The following BPTF variants were observed in gnomAD, a reference collection of about 807,000 sequenced individuals.
BPTF encodes nucleosome-remodeling factor subunit BPTF.
A neutral mutation model predicts 292.5 loss-of-function variants in BPTF; 18 were observed. The ratio of observed to expected loss-of-function variants is 0.06; its 90% confidence interval spans 0.04 to 0.09. The LOEUF (loss-of-function observed/expected upper bound fraction) is 0.09. BPTF is among the 10% of genes least tolerant of loss of function. BPTF has a pLI of 1.00. For missense variants in BPTF, 2,726 were observed against 3,498.7 expected (o/e 0.78, Z 5.57); for synonymous variants, 1,225 against 1,251.9 (o/e 0.98, Z 0.45).
At chr17:67,960,190 G>C (rs1242797506) in intron 24 of BPTF, 1 of 228,108 alleles carries the variant, frequency 4.4e-6, no homozygotes, top group Non-Finnish European at 8.6e-6. Flanking sequence ...TGGAGAAGGA[G>C]GTGTATTACT....
chr17:67,946,139 A>C lies in BPTF; in HGVS notation c.7431A>C (p.Gln2477His), dbSNP rs1568144700. Residue 2477 changes from glutamine to histidine, a missense_variant, in exon 21 of 28, where the codon CAA (glutamine) becomes CAC (histidine). Coordinates refer to ENST00000306378, the MANE Select transcript of BPTF (RefSeq NM_182641.4). Reference sequence around the variant, plus strand: ...TCCAGTTACCTATCCAAATTCAGCAAAGCAGTGCTGTGCAGACTCACCAGA... The same window carrying C: ...TCCAGTTACCTATCCAAATTCAGCACAGCAGTGCTGTGCAGACTCACCAGA... ...IKLQLPIQIQ[Q>H]SSAVQTHQIQ... 6.2e-7 allele frequency: 1 copy of C among 1,614,182 alleles called. No homozygotes were observed. Among genetic ancestry groups the C allele is most frequent in the African/African-American group, 1.3e-5 (1 of 75,050 alleles).
At chr17:67,956,616 C>T (rs1442444879) in intron 23 of BPTF, 1 of 149,088 alleles carries the variant, frequency 6.7e-6, no homozygotes, top group African/African-American at 2.5e-5. Flanking sequence ...CTGTCCTGGA[C>T]CAATTTTTTT....
At chr17:67,957,974 G>A (rs2067113857) in intron 23 of BPTF, among the ~76,000 whole-genome samples, 1 of 152,222 alleles carries the variant, frequency 6.6e-6, no homozygotes, top group Non-Finnish European at 1.5e-5. Flanking sequence ...ATTTCCAAGA[G>A]TAAGTTGTAC....
At chr17:67,922,790 T>C in intron 13 of BPTF, 50 bp from the exon 14 acceptor site, 3 of 1,553,014 alleles carry the variant, frequency 1.9e-6, no homozygotes, top group Non-Finnish European at 2.6e-6. Context: ...CAGAAGTACT[T>C]TAATTTTAGA....
At chr17:67,906,302 A>G (rs572301287) in intron 9 of BPTF, among the ~76,000 whole-genome samples, 2 of 152,176 alleles carry the variant, frequency 1.3e-5, no homozygotes, top group Non-Finnish European at 2.9e-5. Context: ...GGTGGTCTCA[A>G]TCTCTTGACT....
intron 18 of BPTF, among the ~76,000 whole-genome samples, chr17:67,932,427 A>T (rs2064479834): frequency 6.6e-6 from 1 of 152,250 alleles, no homozygotes; most frequent in African/African-American, 2.4e-5. Flanking sequence ...TGGCCAGGCT[A>T]GGTGACTCTC....
rs575110303 is a variant in BPTF, at chr17:67,929,617, T to G, written c.6150+130T>G. 3.6e-5 allele frequency: 40 copies of G among 1,108,866 alleles called. No homozygotes were observed. In the African/African-American group the frequency reaches 6.2e-4, roughly 17 times the overall value. 68.7% of individuals were successfully genotyped at this position (1,108,866 alleles called of 1,614,324 possible). ...TACTGAATCTGTGACAGAGTACTGA[T>G]TTGGAAAAAAATCTGTTATATTTCT... On this transcript the variant is annotated intron_variant, in intron 17 of 27. Coordinates refer to ENST00000306378, the MANE Select transcript of BPTF (RefSeq NM_182641.4).
chr17:67,866,572 A>C lies in BPTF; in HGVS notation c.1545A>C (p.Glu515Asp). Residue 515 changes from glutamate to aspartate, a missense_variant, in exon 3 of 28, where the codon GAA becomes GAC. Transcript: ENST00000306378. ...TAGACAAAGATTATTGGGAAGCAGA[A>C]CTCTGCAAAATTCTAGAAGAAATGC... ...DCLDKDYWEAELCKILEEMRE... is the reference protein window; with the variant it reads ...DCLDKDYWEADLCKILEEMRE... The C allele has an allele frequency of 6.2e-7, 1 of 1,614,070 alleles. No individual in the cohort carries two copies. Among genetic ancestry groups the C allele is most frequent in the Non-Finnish European group, 8.5e-7 (1 of 1,179,948 alleles).
intron 1 of BPTF, among the ~76,000 whole-genome samples, chr17:67,849,926 G>A (rs1362454933): frequency 6.6e-6 from 1 of 151,934 alleles, no homozygotes; most frequent in African/African-American, 2.4e-5. Flanking sequence ...GGGCAACAGA[G>A]CAAGACTCCA....
At chr17:67,915,711 C>T (rs1485203985) in intron 11 of BPTF, among the ~76,000 whole-genome samples, 3 of 151,326 alleles carry the variant, frequency 2.0e-5, no homozygotes, top group Non-Finnish European at 4.4e-5. Context: ...TCCTTTGAGA[C>T]TCCAGCAAAG....
chr17:67,897,425 G>A (rs113637912), intron 7 of BPTF, among the ~76,000 whole-genome samples: 1,558 of 150,334 alleles, frequency 0.01, 20 homozygotes, highest in South Asian at 0.024. Flanking sequence ...ATTAGAACTT[G>A]GAATTTTAAA....
rs146075003 is a variant in BPTF at position 67,831,693 on chromosome 17, A to G, written c.613+5356A>G. Among the ~76,000 whole-genome samples the G allele has an allele frequency of 1.1e-3, 163 of 152,172 alleles. 1 individual carries two copies. The highest frequency in any genetic ancestry group is 3.6e-3 in the African/African-American group (149 of 41,524). On this transcript the variant is annotated intron_variant, in intron 1 of 27. Transcript: ENST00000306378. ...GAGAGACTGGTAGTCATGGTGGGCA[A>G]GTAGTATTCTGGGTGACACAGGAGC...
chr17:67,883,001 TA>T (rs886889170), intron 4 of BPTF, among the ~76,000 whole-genome samples: 5,057 of 94,670 alleles, frequency 0.053, 314 homozygotes, highest in African/African-American at 0.18. Context: ...AGACGTTGTC[TA>T]AAAAAAAAAA....
chr17:67,918,494 C>T (rs889864723), intron 11 of BPTF, among the ~76,000 whole-genome samples: 2 of 151,852 alleles, frequency 1.3e-5, no homozygotes, highest in African/African-American at 4.8e-5. Context: ...AATATAGCCC[C>T]TTTTAAAAAA....
intron 13 of BPTF, among the ~76,000 whole-genome samples, chr17:67,921,853 GA>G (rs1254442007): frequency 6.6e-6 from 1 of 152,042 alleles, no homozygotes; most frequent in Non-Finnish European, 1.5e-5. Context: ...CCAACATGTT[GA>G]AACCCTGTCT....
chr17:67,826,453 C>G (rs1174442911), intron 1 of BPTF, 116 bp downstream of exon 1: 2 of 1,148,420 alleles, frequency 1.7e-6, no homozygotes, highest in South Asian at 4.3e-5. Context: ...GCCTCCCCCC[C>G]AAACAGAGGG....
intron 2 of BPTF, among the ~76,000 whole-genome samples, chr17:67,863,929 T>G (rs2059239355): frequency 6.7e-6 from 1 of 148,566 alleles, no homozygotes; most frequent in African/African-American, 2.4e-5. Flanking sequence ...ATATGTATGT[T>G]TGCTCTTAAT....
In BPTF at chr17:67,982,499, C is replaced by G; in HGVS notation, c.*211C>G. 2.3e-6 allele frequency: 1 copy of G among 432,546 alleles called. No individual in the cohort carries two copies. The highest frequency in any genetic ancestry group is 4.2e-6 in the Non-Finnish European group (1 of 238,304). 26.8% of individuals were successfully genotyped at this position (432,546 alleles called of 1,614,324 possible). A position where few individuals can be genotyped will look rare whatever the true frequency, so the allele number is the denominator to read the frequency against. On this transcript the variant is annotated 3_prime_UTR_variant, in exon 28 of 28. Transcript: ENST00000306378. ...AAAGTCAACGACACCATTATCTTGT[C>G]AAGATCAGATGGTTTTACTATTGTG...
At chr17:67,946,365 AATT>A in intron 21 of BPTF, 40 bp downstream of exon 21, 1 of 1,598,920 alleles carries the variant, frequency 6.3e-7, no homozygotes, top group Non-Finnish European at 8.5e-7. Context: ...CAGTAGCTTG[AATT>A]ATTGTGCTGT....
Sources: allele counts gnomAD v4.1 joint callset (sites outside exome capture counted in the v4.1 genomes callset), GRCh38; gene constraint gnomAD v4.1.1; transcripts MANE v1.5; gene names NCBI Gene and HGNC (gene_info 2026-07-23, HGNC 2026-07-21).